The following CHRDL1 variants were observed in gnomAD, a reference collection of about 807,000 sequenced individuals.
CHRDL1 encodes the protein chordin-like protein 1.
Under a neutral mutation model 40.9 loss-of-function variants are expected in CHRDL1, and 19 were observed. The observed-to-expected ratio is 0.46, with a 90% CI of 0.32 to 0.68. The LOEUF (loss-of-function observed/expected upper bound fraction) is 0.68. Ranked by LOEUF, CHRDL1 falls within the 30% of genes least tolerant of loss-of-function variation. The pLI is 0.03. For synonymous variants in CHRDL1, 136 were observed against 123.4 expected (o/e 1.10, Z -0.68); for missense variants, 329 against 352.1 (o/e 0.93, Z 0.53).
At chrX:110,787,020 G>C (rs765331371) in intron 2 of CHRDL1, among the ~76,000 whole-genome samples, 2 of 111,690 alleles carry the variant, frequency 1.8e-5, no homozygotes, top group Non-Finnish European at 3.8e-5. Context: ...CCTGGGTTTT[G>C]GTTCTAGCTC....
At chrX:110,678,316 C>T (rs1348618660) in intron 11 of CHRDL1, among the ~76,000 whole-genome samples, 1 of 111,745 alleles carries the variant, frequency 8.9e-6, no homozygotes, top group African/African-American at 3.3e-5. Context: ...ATGCTATTTG[C>T]AGCAACTACA....
chrX:110,707,579 C>T (rs1404022721), intron 6 of CHRDL1, among the ~76,000 whole-genome samples: 1 of 111,775 alleles, frequency 8.9e-6, no homozygotes, highest in Non-Finnish European at 1.9e-5. Flanking sequence ...TTGGGAAAAC[C>T]TGGCTAGCCA....
At chrX:110,731,304 G>A (rs897827164) in intron 4 of CHRDL1, among the ~76,000 whole-genome samples, 1 of 111,569 alleles carries the variant, frequency 9.0e-6, no homozygotes, top group African/African-American at 3.3e-5. Flanking sequence ...CACTAGGATG[G>A]CTATAATAAA....
chrX:110,784,719 A>G (rs756907770), intron 2 of CHRDL1, among the ~76,000 whole-genome samples: 1 of 111,572 alleles, frequency 9.0e-6, no homozygotes, highest in East Asian at 2.8e-4. Flanking sequence ...TTACTTTCCT[A>G]TTAGCAGGTG....
At chrX:110,767,109 AT>A (rs1471051367) in intron 2 of CHRDL1, among the ~76,000 whole-genome samples, 3 of 112,336 alleles carry the variant, frequency 2.7e-5, no homozygotes, top group Admixed American at 9.4e-5. Context: ...ATCTCAATAG[AT>A]GCAGAAAAAG....
In CHRDL1 at chrX:110,773,501, G is replaced by A. The variant is rs914070490; in HGVS notation, c.95-10694C>T. On this transcript the variant is annotated intron_variant, in intron 2 of 11. Transcript: ENST00000372042. Reference sequence around the variant, plus strand: ...CCCAGCACTTTGGGAGGCCGAGGCGGGCGAATCACGAGTTAAGGAGATCTA... The same window carrying A: ...CCCAGCACTTTGGGAGGCCGAGGCGAGCGAATCACGAGTTAAGGAGATCTA... Among the ~76,000 whole-genome samples, 7 of 110,436 alleles carry A rather than the reference G, an allele frequency of 6.3e-5. No homozygotes were observed. The Admixed American group carries it at 6.8e-4, about 11-fold the overall frequency.
chrX:110,757,785 C>T lies in CHRDL1; in HGVS notation c.301+1876G>A, dbSNP rs527697127. On this transcript the variant is annotated intron_variant, in intron 4 of 11. Transcript: ENST00000372042. ...GTGTTTATTTCTTTCAACGCTTTCA[C>T]CTCTGGAATTTTTGAGCTCAGTTCT... Among the ~76,000 whole-genome samples the T allele has an allele frequency of 1.8e-4, 20 of 111,715 alleles. No individual in the cohort carries two copies. In the South Asian group the frequency reaches 7.2e-3, roughly 40 times the overall value.
chrX:110,679,344 G>T lies in CHRDL1; in HGVS notation c.1238C>A (p.Thr413Lys). ...AGAGAAGTACTACTTACTCAGGGTT[G>T]TTCTGGTCACCAGCTTGAAGTGAGG... ...ELPHFKLVTR[T>K]TLSQWKIFTE... The change falls in exon 11 of 12, where the codon ACA becomes AAA. Residue 413 changes from threonine to lysine, a missense_variant. Thr to Lys is a moderately conservative substitution (Grantham distance 78). Transcript: ENST00000372042. 1 of 1,193,792 alleles carries T rather than the reference G, an allele frequency of 8.4e-7. No individual in the cohort carries two copies. The highest frequency in any genetic ancestry group is 1.1e-6 in the Non-Finnish European group (1 of 879,079).
intron 2 of CHRDL1, among the ~76,000 whole-genome samples, chrX:110,777,902 T>C (rs982945420): frequency 9.0e-6 from 1 of 111,431 alleles, no homozygotes; most frequent in African/African-American, 3.3e-5. Context: ...CCTTTGGTGT[T>C]GTATCTAAAA....
intron 7 of CHRDL1, among the ~76,000 whole-genome samples, chrX:110,698,354 TA>T (rs1402571345): frequency 9.0e-6 from 1 of 111,606 alleles, no homozygotes; most frequent in Non-Finnish European, 1.9e-5. Context: ...ACACACATTT[TA>T]CGCCACCTCC....
At chrX:110,711,188 G>C (rs1197991026) in intron 6 of CHRDL1, among the ~76,000 whole-genome samples, 2 of 111,989 alleles carry the variant, frequency 1.8e-5, no homozygotes, top group Admixed American at 1.9e-4. Flanking sequence ...TCTATCTGCA[G>C]TTGGTTGAAT....
At chrX:110,720,292 T>G (rs1359943163) in intron 5 of CHRDL1, among the ~76,000 whole-genome samples, 1 of 111,199 alleles carries the variant, frequency 9.0e-6, no homozygotes, top group African/African-American at 3.3e-5. Flanking sequence ...TTTAAAGGAA[T>G]GAAGATTTAT....
intron 11 of CHRDL1, 113 bp from the exon 12 acceptor site, chrX:110,676,474 G>C: frequency 1.6e-6 from 1 of 631,110 alleles, no homozygotes; most frequent in Non-Finnish European, 2.3e-6. Flanking sequence ...GACCTACCAG[G>C]GAATTTGGAA....
At position 110,707,826 on chromosome X, in the gene CHRDL1, G is replaced by A. The variant is rs182735828; in HGVS notation, c.542-7105C>T. Among the ~76,000 whole-genome samples the A allele has an allele frequency of 2.0e-4, 22 of 111,825 alleles. No homozygotes were observed. In the East Asian group the frequency reaches 6.2e-3, roughly 31 times the overall value. On this transcript the variant is annotated intron_variant, in intron 6 of 11. Coordinates refer to ENST00000372042, the MANE Select transcript of CHRDL1 (RefSeq NM_001143981.2). ...AATTAAACTAACGAGCTTCTTCACA[G>A]CAAAAGAAACTATCATCAGAGTGCA...
intron 6 of CHRDL1, among the ~76,000 whole-genome samples, chrX:110,710,467 G>A (rs922636398): frequency 8.9e-6 from 1 of 112,170 alleles, no homozygotes; most frequent in African/African-American, 3.2e-5. Flanking sequence ...GAAACAGAAT[G>A]GGGTATTACT....
intron 2 of CHRDL1, among the ~76,000 whole-genome samples, chrX:110,780,293 C>G (rs2089919781): frequency 9.0e-6 from 1 of 110,897 alleles, no homozygotes; most frequent in South Asian, 3.8e-4. Context: ...ACTGGAAGCT[C>G]TTTCTGATCT....
At position 110,736,642 on chromosome X, in the gene CHRDL1, T is replaced by C. The variant is rs73528229; in HGVS notation, c.302-15112A>G. 3.5e-3 allele frequency among the ~76,000 whole-genome samples: 392 copies of C among 111,634 alleles called. 3 individuals are homozygous for C. Among genetic ancestry groups the C allele is most frequent in the African/African-American group, 0.012 (368 of 30,701 alleles). On this transcript the variant is annotated intron_variant, in intron 4 of 11. Coordinates refer to ENST00000372042, the MANE Select transcript of CHRDL1 (RefSeq NM_001143981.2). ...GACCATGGTGTCTGGTGGGAGTGGTTTCAAACTCCACATACCACCTCATCC... is the reference window on the plus strand; with the variant it reads ...GACCATGGTGTCTGGTGGGAGTGGTCTCAAACTCCACATACCACCTCATCC...
intron 4 of CHRDL1, among the ~76,000 whole-genome samples, chrX:110,729,392 G>C (rs777768103): frequency 4.5e-4 from 49 of 108,524 alleles, no homozygotes; most frequent in Admixed American, 4.0e-3. Context: ...AACTAGATCT[G>C]CTTTCCTCGG....
chrX:110,699,829 T>C (rs1489851897), intron 7 of CHRDL1, among the ~76,000 whole-genome samples: 3 of 112,502 alleles, frequency 2.7e-5, no homozygotes, highest in East Asian at 2.8e-4. Context: ...AGTAGACATT[T>C]AGGTTGTCTC....
Sources: allele counts gnomAD v4.1 joint callset (sites outside exome capture counted in the v4.1 genomes callset), GRCh38; gene constraint gnomAD v4.1.1; transcripts MANE v1.5; gene names NCBI Gene and HGNC (gene_info 2026-07-23, HGNC 2026-07-21).